ISL2: variants seen among roughly 807,000 people sequenced by gnomAD.
The protein encoded by ISL2 is ISL LIM homeobox 2, also known as insulin gene enhancer protein ISL-2.
ISL2 carries 17 observed loss-of-function variants against 34.6 expected under a neutral mutation model. The observed-to-expected ratio is 0.49, with a 90% CI of 0.34 to 0.74. The LOEUF (loss-of-function observed/expected upper bound fraction) is 0.74, where lower values mean the gene tolerates loss of function less well. Ranked by LOEUF, ISL2 falls within the 30% of genes least tolerant of loss-of-function variation. ISL2 has a pLI of 0.01. For synonymous variants in ISL2, 232 were observed against 225.5 expected (o/e 1.03, Z -0.26); for missense variants, 469 against 515.2 (o/e 0.91, Z 0.87).
At chr15:76,338,088 C>A in intron 2 of ISL2, 121 bp downstream of exon 2, 2 of 1,314,342 alleles carry the variant, frequency 1.5e-6, no homozygotes, top group Non-Finnish European at 2.0e-6. Flanking sequence ...GCATCCCGCA[C>A]GGGTGCCGCA....
At chr15:76,340,682 G>GT in intron 4 of ISL2, 123 bp downstream of exon 4, 1 of 827,716 alleles carries the variant, frequency 1.2e-6, no homozygotes, top group South Asian at 1.7e-5. Flanking sequence ...TCCAGATGGT[G>GT]TATGTCTGTA....
chr15:76,341,662 G>C lies in ISL2; in HGVS notation c.964-57G>C, dbSNP rs1251952694. The stretch of plus-strand genomic sequence containing the variant: ...TTCCGACTCGGAGCACGCGGCCCTG[G>C]AGCACCAGCTCGCGTGCCTCTTCAC... On this transcript the variant is annotated intron_variant, in intron 5 of 5. Coordinates refer to ENST00000290759, the MANE Select transcript of ISL2 (RefSeq NM_145805.3). 7 of 1,292,156 alleles carry C rather than the reference G, an allele frequency of 5.4e-6. No individual in the cohort carries two copies. In the African/African-American group the frequency reaches 5.8e-5, roughly 11 times the overall value. The allele number at this position is 1,292,156 out of a possible 1,614,324, so 80.0% of individuals were successfully genotyped here.
chr15:76,338,465 C>G lies in ISL2; in HGVS notation c.462C>G (p.Ser154Arg). 1 of 1,394,108 alleles carries G rather than the reference C, an allele frequency of 7.2e-7. No homozygotes were observed. 86.4% of individuals were successfully genotyped at this position (1,394,108 alleles called of 1,614,324 possible). Reference protein sequence around the residue: ...GLLLERAAAGSPRSPGPLPGA... With the variant: ...GLLLERAAAGRPRSPGPLPGA... Reference sequence around the variant, plus strand: ...TGCTCGAGCGCGCCGCGGCCGGCAGCCCGCGCAGCCCCGGCCCGCTTCCCG... The same window carrying G: ...TGCTCGAGCGCGCCGCGGCCGGCAGGCCGCGCAGCCCCGGCCCGCTTCCCG... The change falls in exon 3 of 6, where the codon AGC becomes AGG. Residue 154 changes from serine to arginine, a missense_variant. Around this residue, in one of 3 missense-constraint regions of ISL2, gnomAD observed 297 missense variants for 337.8 expected, o/e 0.88. Transcript: ENST00000290759.
chr15:76,339,372 G>A (rs1226549914), intron 3 of ISL2: 1 of 985,324 alleles, frequency 1.0e-6, no homozygotes, highest in African/African-American at 1.7e-5. Flanking sequence ...AATTCGTAGA[G>A]GGGAACATAA....
intron 1 of ISL2, 118 bp from the exon 2 acceptor site, chr15:76,337,660 C>A: frequency 1.1e-6 from 1 of 872,614 alleles, no homozygotes; most frequent in South Asian, 1.9e-5. Context: ...TCCTTATGGT[C>A]GCAAGTCTTG....
intron 1 of ISL2, chr15:76,337,454 C>T: frequency 2.8e-6 from 1 of 361,680 alleles, no homozygotes; most frequent in Non-Finnish European, 5.0e-6. Context: ...ATCCAGGCGT[C>T]CGCAGTGCCT....
intron 3 of ISL2, 74 bp from the exon 4 acceptor site, chr15:76,340,202 C>A: frequency 6.8e-7 from 1 of 1,460,318 alleles, no homozygotes; most frequent in Non-Finnish European, 9.0e-7. Context: ...GGGGGCTGGG[C>A]CACCCGGAGG....
chr15:76,337,897 C>T lies in ISL2; in HGVS notation c.178C>T (p.Gln60Ter), dbSNP rs2141581139. Residue 60 changes from glutamine to a stop codon, truncating the protein, a stop_gained, in exon 2 of 6, where the codon CAG (glutamine) becomes TAG (stop). Coordinates refer to ENST00000290759, the MANE Select transcript of ISL2 (RefSeq NM_145805.3). LOFTEE classifies it high-confidence loss of function. The stretch of plus-strand genomic sequence containing the variant: ...CTGCCTCAAGTGTGCCGAGTGCAGC[C>T]AGTACCTGGACGAGACGTGCACGTG... ...AACLKCAECS[Q>*]YLDETCTCFV... 6.2e-7 allele frequency: 1 copy of T among 1,612,756 alleles called. No individual in the cohort carries two copies. The highest frequency in any genetic ancestry group is 8.5e-7 in the Non-Finnish European group (1 of 1,179,660).
Position 76,339,432 on chromosome 15 carries a change from T to C in ISL2, c.512-844T>C, listed in dbSNP as rs997805514. On this transcript the variant is annotated intron_variant, in intron 3 of 5. Transcript: ENST00000290759. ...ACGGTATATATGGGTCGGGATCAAA[T>C]GGAGATGTGAAATGGGAGCAAGCGG... is the stretch of plus-strand genomic sequence containing the variant. The C allele has an allele frequency of 1.1e-5, 11 of 985,302 alleles. No individual in the cohort carries two copies. In the Admixed American group the frequency reaches 5.5e-4, roughly 50 times the overall value. The allele number at this position is 985,302 out of a possible 1,614,324, so 61.0% of individuals were successfully genotyped here.
At chr15:76,340,085 A>G (rs2141583026) in intron 3 of ISL2, 191 bp from the exon 4 acceptor site, 1 of 1,400,714 alleles carries the variant, frequency 7.1e-7, no homozygotes, top group Admixed American at 3.2e-5. Context: ...GGAGCGAGAG[A>G]AAGAACGAAA....
intron 1 of ISL2, chr15:76,337,299 G>C: frequency 2.8e-6 from 1 of 359,900 alleles, no homozygotes; most frequent in Non-Finnish European, 4.9e-6. Flanking sequence ...TCTTTCGCTT[G>C]CTCTGGGATA....
At position 76,341,788 on chromosome 15, in the gene ISL2, C is replaced by G. The variant is rs2040196601; in HGVS notation, c.1033C>G (p.Leu345Val). ...GSDVTSLSSQ[L>V]PDTPNSMVPS... ...CGACGTGACCTCCCTGTCCTCGCAG[C>G]TCCCGGACACCCCCAACAGTATGGT... The change falls in exon 6 of 6, where the codon CTC becomes GTC. Residue 345 changes from leucine (L) to valine (V), a missense_variant. Physicochemically the swap from Leu to Val is conservative, Grantham distance 32. Transcript: ENST00000290759. 6.2e-7 allele frequency: 1 copy of G among 1,613,806 alleles called. No homozygotes were observed.
At chr15:76,338,672 A>T in intron 3 of ISL2, 158 bp downstream of exon 3, 1 of 985,318 alleles carries the variant, frequency 1.0e-6, no homozygotes, top group African/African-American at 1.7e-5. Context: ...TGTGCTGGGA[A>T]CAAGGCTGTG....
intron 3 of ISL2, chr15:76,339,862 G>A: frequency 1.4e-5 from 14 of 1,015,060 alleles, no homozygotes; most frequent in Non-Finnish European, 1.7e-5. Context: ...CTGGGTCCAC[G>A]TCGGTCCCTT....
Position 76,338,312 on chromosome 15 carries a change from GA to G in ISL2, c.310del (p.Arg104GlyfsTer95). 6.3e-7 allele frequency: 1 copy of G among 1,584,384 alleles called. No homozygotes were observed. The highest frequency in any genetic ancestry group is 8.5e-7 in the Non-Finnish European group (1 of 1,170,606). On this transcript the variant is annotated frameshift_variant, in exon 3 of 6. Coordinates refer to ENST00000290759, the MANE Select transcript of ISL2 (RefSeq NM_145805.3). LOFTEE classifies it high-confidence loss of function. Reference sequence around the variant, plus strand: ...GCTTCAGCAGCAGCGACCTGGTGATGAGGGCGCGGGACAGCGTGTACCACAT... The same window carrying G: ...GCTTCAGCAGCAGCGACCTGGTGATGGGGCGCGGGACAGCGTGTACCACAT... ...VGFSSSDLVMRARDSVYHIEC... is the reference protein window; with the variant it reads ...VGFSSSDLVMXARDSVYHIEC...
At chr15:76,337,392 T>C (rs2040158789) in intron 1 of ISL2, 1 of 307,686 alleles carries the variant, frequency 3.3e-6, no homozygotes, top group African/African-American at 2.2e-5. Context: ...GCAGCCGCTG[T>C]GAGTGGGAGT....
chr15:76,339,678 A>G (rs2040179076), intron 3 of ISL2: 1 of 985,742 alleles, frequency 1.0e-6, no homozygotes, highest in Non-Finnish European at 1.2e-6. Context: ...CCGAAGCCCA[A>G]GGGCGGGCAG....
In ISL2 at chr15:76,338,108, C is replaced by T. The variant is rs2040166257; in HGVS notation, c.248+141C>T. ...CCGCACGGGTGCCGCAGCGCTCCCCCGGGCCCGGGAATGCCCGCAGGCGGG... is the reference window on the plus strand; with the variant it reads ...CCGCACGGGTGCCGCAGCGCTCCCCTGGGCCCGGGAATGCCCGCAGGCGGG... On this transcript the variant is annotated intron_variant, in intron 2 of 5. Transcript: ENST00000290759. The T allele has an allele frequency of 3.7e-6, 5 of 1,345,488 alleles. No homozygotes were observed. The Admixed American group carries it at 1.7e-4, about 47-fold the overall frequency. 83.3% of individuals were successfully genotyped at this position (1,345,488 alleles called of 1,614,324 possible). A position where few individuals can be genotyped will look rare whatever the true frequency, so the allele number is the denominator to read the frequency against.
chr15:76,341,883 G>T lies in ISL2; in HGVS notation c.*48G>T, dbSNP rs774768239. ...CGCGGACCTCGCATGCTCCCTGCAT[G>T]AGACTCACCCATGCTCAGGCCATTC... On this transcript the variant is annotated 3_prime_UTR_variant, in exon 6 of 6. Transcript: ENST00000290759. The T allele has an allele frequency of 7.0e-5, 84 of 1,198,034 alleles. No individual in the cohort carries two copies. The highest frequency in any genetic ancestry group is 1.0e-4 in the Non-Finnish European group (80 of 803,568). The allele number at this position is 1,198,034 out of a possible 1,614,324, so 74.2% of individuals were successfully genotyped here.
Sources: allele counts gnomAD v4.1 joint callset, GRCh38; gene constraint gnomAD v4.1.1; regional missense constraint gnomAD v4.1.1; transcripts MANE v1.5; gene names NCBI Gene and HGNC (gene_info 2026-07-23, HGNC 2026-07-21).